The following ADAMTSL3 variants were observed in gnomAD, a reference collection of about 807,000 sequenced individuals.
ADAMTSL3 encodes ADAMTS like 3.
ADAMTSL3 carries 128 observed loss-of-function variants against 201.7 expected under a neutral mutation model. The observed-to-expected ratio is 0.63, with a 90% CI of 0.55 to 0.73. ADAMTSL3 has a LOEUF of 0.73. ADAMTSL3 is among the 30% of genes least tolerant of loss of function. ADAMTSL3 has a pLI of 0.00. For missense variants in ADAMTSL3, 1,990 were observed against 2,119.6 expected, an observed-to-expected ratio of 0.94 and a Z score of 1.20; for synonymous variants, 738 against 748.4, an observed-to-expected ratio of 0.99 and a Z score of 0.23.
At chr15:83,823,603 C>T (rs1240664785) in intron 6 of ADAMTSL3, among the ~76,000 whole-genome samples, 1 of 152,200 alleles carries the variant, frequency 6.6e-6, no homozygotes. Flanking sequence ...TACTGCCTTT[C>T]TTGTAGCCTA....
chr15:84,030,665 G>A (rs1278143342), intron 27 of ADAMTSL3, among the ~76,000 whole-genome samples: 1 of 152,192 alleles, frequency 6.6e-6, no homozygotes, highest in African/African-American at 2.4e-5. Context: ...GACTTTGGGG[G>A]ACTGTTGGGA....
chr15:83,725,560 A>G (rs1308375420), intron 3 of ADAMTSL3, among the ~76,000 whole-genome samples: 2 of 151,990 alleles, frequency 1.3e-5, no homozygotes, highest in East Asian at 1.9e-4. Flanking sequence ...ATCCATTTTG[A>G]TTTGATTTTT....
chr15:83,707,982 T>C (rs2061876848), intron 3 of ADAMTSL3, among the ~76,000 whole-genome samples: 1 of 152,216 alleles, frequency 6.6e-6, no homozygotes, highest in Admixed American at 6.5e-5. Context: ...AGTTTTCCAG[T>C]GTAGCCTTTG....
At chr15:83,896,973 T>C (rs763223097) in intron 13 of ADAMTSL3, among the ~76,000 whole-genome samples, 1 of 152,118 alleles carries the variant, frequency 6.6e-6, no homozygotes, top group African/African-American at 2.4e-5. Context: ...TCAGATCTTA[T>C]GAGAACTCAC....
chr15:83,754,604 A>G (rs1300902913), intron 3 of ADAMTSL3, among the ~76,000 whole-genome samples: 2 of 152,252 alleles, frequency 1.3e-5, no homozygotes, highest in Non-Finnish European at 2.9e-5. Flanking sequence ...TAGTGTTCAT[A>G]TGTGGTAAAT....
At chr15:84,004,404 G>A (rs1339705629) in intron 23 of ADAMTSL3, among the ~76,000 whole-genome samples, 1 of 152,100 alleles carries the variant, frequency 6.6e-6, no homozygotes, top group African/African-American at 2.4e-5. Context: ...GGGCCAAAGA[G>A]GTCCCTGGAA....
intron 17 of ADAMTSL3, among the ~76,000 whole-genome samples, chr15:83,932,488 C>G (rs930773056): frequency 7.9e-5 from 12 of 152,086 alleles, no homozygotes; most frequent in African/African-American, 2.9e-4. Flanking sequence ...GGAGATTCCC[C>G]ATACAAAGCC....
chr15:83,831,783 A>G (rs1296797427), intron 6 of ADAMTSL3, among the ~76,000 whole-genome samples: 1 of 152,148 alleles, frequency 6.6e-6, no homozygotes, highest in East Asian at 1.9e-4. Flanking sequence ...AACTCTAAGC[A>G]TTTGTGGGAG....
intron 9 of ADAMTSL3, among the ~76,000 whole-genome samples, chr15:83,874,909 G>A (rs2065150534): frequency 2.1e-5 from 3 of 145,498 alleles, no homozygotes; most frequent in Admixed American, 1.3e-4. Context: ...CCGGAAGCCC[G>A]GTAGGCGTTT....
intron 5 of ADAMTSL3, among the ~76,000 whole-genome samples, chr15:83,806,586 G>C (rs1244271958): frequency 6.6e-6 from 1 of 152,196 alleles, no homozygotes; most frequent in African/African-American, 2.4e-5. Context: ...GGGTGTGGTG[G>C]CTCATGTCTG....
intron 16 of ADAMTSL3, among the ~76,000 whole-genome samples, chr15:83,915,259 A>G (rs759963609): frequency 1.3e-5 from 2 of 152,156 alleles, no homozygotes; most frequent in Non-Finnish European, 2.9e-5. Context: ...CTGACTGGCA[A>G]GATCCCCTCA....
At position 83,696,615 on chromosome 15, in the gene ADAMTSL3, G is replaced by A. The variant is rs116485508; in HGVS notation, c.70-7774G>A. ...CTGTCAGTGTAGATTTGAAGCGTCT[G>A]AGAGTGTATTCCTTGAATCCTTAGT... On this transcript the variant is annotated intron_variant, in intron 2 of 29. Transcript: ENST00000286744. 2.3e-3 allele frequency among the ~76,000 whole-genome samples: 346 copies of A among 151,528 alleles called. 1 individual carries two copies. The highest frequency in any genetic ancestry group is 8.2e-3 in the African/African-American group (338 of 41,222).
intron 28 of ADAMTSL3, among the ~76,000 whole-genome samples, chr15:84,032,100 C>T (rs1371018564): frequency 6.6e-6 from 1 of 152,142 alleles, no homozygotes; most frequent in Non-Finnish European, 1.5e-5. Flanking sequence ...CTTGGGAGTT[C>T]TATTATATCA....
chr15:84,014,799 T>C, intron 24 of ADAMTSL3, 75 bp downstream of exon 24: 1 of 1,442,086 alleles, frequency 6.9e-7, no homozygotes, highest in Non-Finnish European at 9.3e-7. Flanking sequence ...TTTGTTGATT[T>C]TGGAGTTGAG....
intron 3 of ADAMTSL3, among the ~76,000 whole-genome samples, chr15:83,724,325 C>A (rs1349802617): frequency 6.6e-6 from 1 of 152,010 alleles, no homozygotes; most frequent in African/African-American, 2.4e-5. Flanking sequence ...GTCTCGATCT[C>A]CTGACCTCTT....
At chr15:83,907,566 AT>A (rs910216984) in intron 15 of ADAMTSL3, among the ~76,000 whole-genome samples, 2 of 151,284 alleles carry the variant, frequency 1.3e-5, no homozygotes, top group South Asian at 2.1e-4. Flanking sequence ...TACCTGGCTA[AT>A]TTTTTTTTGT....
chr15:83,941,549 C>A (rs1438055536), intron 17 of ADAMTSL3, among the ~76,000 whole-genome samples: 1 of 151,288 alleles, frequency 6.6e-6, no homozygotes, highest in East Asian at 1.9e-4. Context: ...ATTTTATGAC[C>A]TTTTCTTTTC....
chr15:83,708,025 C>T (rs1371221971), intron 3 of ADAMTSL3, among the ~76,000 whole-genome samples: 1 of 152,202 alleles, frequency 6.6e-6, no homozygotes, highest in Non-Finnish European at 1.5e-5. Flanking sequence ...ATTCCACAGC[C>T]AGAAGTAGGT....
intron 3 of ADAMTSL3, among the ~76,000 whole-genome samples, chr15:83,723,293 C>A (rs1567099832): frequency 6.6e-6 from 1 of 152,116 alleles, no homozygotes; most frequent in African/African-American, 2.4e-5. Flanking sequence ...AAGAAGTTTG[C>A]AAACCCAGTG....
Sources: gnomAD v4.1 joint callset for allele counts (sites outside exome capture counted in the v4.1 genomes callset) on GRCh38, gnomAD v4.1.1 for gene constraint, MANE v1.5 for transcripts, NCBI Gene and HGNC (gene_info 2026-07-23, HGNC 2026-07-21) for gene names.